The following DLG2 variants were observed in gnomAD, a reference collection of about 807,000 sequenced individuals.
The protein encoded by DLG2 is disks large homolog 2.
DLG2 carries 45 observed loss-of-function variants against 132.5 expected under a neutral mutation model. That is an observed-to-expected ratio of 0.34 (90% CI 0.27 to 0.44). DLG2 has a LOEUF of 0.44. Among genes scored for constraint, DLG2 ranks in the 20% least tolerant of loss-of-function variants. The pLI is 1.00. For synonymous variants in DLG2, 424 were observed against 419.6 expected (o/e 1.01, Z -0.13); for missense variants, 1,045 against 1,196.9 (o/e 0.87, Z 1.87).
rs760820617 is a variant in DLG2, at chr11:83,483,205, G to A, written c.2293+924C>T. On this transcript the variant is annotated intron_variant, in intron 22 of 27. Coordinates refer to ENST00000376104, the MANE Select transcript of DLG2 (RefSeq NM_001142699.3). Reference sequence around the variant, plus strand: ...AAGGAACAAAAGCCAAACTCAAAAGGAAAGGAAAAGAAAAGAAAAGTTACA... The same window carrying A: ...AAGGAACAAAAGCCAAACTCAAAAGAAAAGGAAAAGAAAAGAAAAGTTACA... 10 of 1,534,638 alleles carry A rather than the reference G, an allele frequency of 6.5e-6. No individual in the cohort carries two copies. In the South Asian group the frequency reaches 7.8e-5, roughly 12 times the overall value.
chr11:85,462,457 A>T (rs950798258), intron 3 of DLG2, among the ~76,000 whole-genome samples: 1 of 152,214 alleles, frequency 6.6e-6, no homozygotes, highest in African/African-American at 2.4e-5. Context: ...TACACCAGGG[A>T]ATACTATGCA....
chr11:84,787,628 C>T (rs985919802), intron 6 of DLG2, among the ~76,000 whole-genome samples: 15 of 152,130 alleles, frequency 9.9e-5, no homozygotes, highest in Non-Finnish European at 2.2e-4. Context: ...CTATAATATT[C>T]TGAGCCTTGT....
intron 8 of DLG2, among the ~76,000 whole-genome samples, chr11:84,213,624 C>T (rs1041929497): frequency 1.3e-5 from 2 of 151,980 alleles, no homozygotes; most frequent in Non-Finnish European, 2.9e-5. Flanking sequence ...TCAAGACCAT[C>T]CTGGCTAACA....
chr11:85,549,293 C>T (rs138125842), intron 3 of DLG2, among the ~76,000 whole-genome samples: 330 of 152,254 alleles, frequency 2.2e-3, no homozygotes, highest in Non-Finnish European at 3.9e-3. Flanking sequence ...CTTCCACTCG[C>T]CCTCCTTGGG....
intron 4 of DLG2, among the ~76,000 whole-genome samples, chr11:85,154,932 T>C (rs1481076673): frequency 6.6e-6 from 1 of 152,188 alleles, no homozygotes; most frequent in Non-Finnish European, 1.5e-5. Flanking sequence ...ATGGATGATC[T>C]GGTTAAAGCT....
At chr11:85,399,460 C>A (rs950720141) in intron 3 of DLG2, among the ~76,000 whole-genome samples, 11 of 152,110 alleles carry the variant, frequency 7.2e-5, no homozygotes, top group Non-Finnish European at 1.3e-4. Flanking sequence ...CAAAAAAGAG[C>A]CCGCATCACC....
At chr11:85,391,592 A>G (rs1176765655) in intron 3 of DLG2, among the ~76,000 whole-genome samples, 1 of 152,166 alleles carries the variant, frequency 6.6e-6, no homozygotes, top group African/African-American at 2.4e-5. Flanking sequence ...ATCCACCATG[A>G]TCAAGTGGAT....
chr11:84,977,033 A>ACC (rs2055005656), intron 6 of DLG2, among the ~76,000 whole-genome samples: 1 of 151,650 alleles, frequency 6.6e-6, no homozygotes. Context: ...TTGCTTGCTT[A>ACC]CCCATCACCT....
intron 3 of DLG2, among the ~76,000 whole-genome samples, chr11:85,526,863 G>A (rs1056657515): frequency 6.6e-6 from 1 of 152,120 alleles, no homozygotes; most frequent in Admixed American, 6.5e-5. Context: ...AAATACTAAA[G>A]GTCAAAACAC....
chr11:84,183,910 C>A (rs561582850), intron 8 of DLG2, among the ~76,000 whole-genome samples: 18 of 152,206 alleles, frequency 1.2e-4, no homozygotes, highest in South Asian at 4.2e-4. Flanking sequence ...TGAACTCATC[C>A]TTTTTTATGG....
At chr11:83,906,232 G>GTCTCTC (rs144862801) in intron 15 of DLG2, among the ~76,000 whole-genome samples, 61 of 71,650 alleles carry the variant, frequency 8.5e-4, no homozygotes, top group South Asian at 5.7e-3. Flanking sequence ...TATAGTAGAT[G>GTCTCTC]TCTCTCTCTC....
chr11:85,402,336 T>G (rs2088220874), intron 3 of DLG2, among the ~76,000 whole-genome samples: 1 of 152,078 alleles, frequency 6.6e-6, no homozygotes, highest in Non-Finnish European at 1.5e-5. Flanking sequence ...AGACAAAGAT[T>G]AACTCAAGAT....
intron 5 of DLG2, among the ~76,000 whole-genome samples, chr11:85,116,534 A>G: frequency 6.6e-6 from 1 of 152,008 alleles, no homozygotes; most frequent in South Asian, 2.1e-4. Flanking sequence ...ACAGGTGTGT[A>G]TTAAAAAATT....
At chr11:84,660,691 C>T (rs560974861) in intron 6 of DLG2, among the ~76,000 whole-genome samples, 21 of 152,122 alleles carry the variant, frequency 1.4e-4, no homozygotes, top group East Asian at 3.9e-4. Context: ...CTTTGATTTA[C>T]GCATTTTCAT....
At chr11:85,240,451 C>T (rs555730661) in intron 4 of DLG2, among the ~76,000 whole-genome samples, 124 of 151,612 alleles carry the variant, frequency 8.2e-4, no homozygotes, top group African/African-American at 2.9e-3. Context: ...TCACCTTTTC[C>T]TTATGGTTAG....
At chr11:83,582,234 G>A (rs1242786088) in intron 19 of DLG2, among the ~76,000 whole-genome samples, 2 of 152,210 alleles carry the variant, frequency 1.3e-5, no homozygotes, top group Admixed American at 1.3e-4. Context: ...GGGATTATAG[G>A]CATGAGCCAC....
intron 7 of DLG2, among the ~76,000 whole-genome samples, chr11:84,362,649 T>G (rs2098656386): frequency 6.6e-6 from 1 of 152,196 alleles, no homozygotes; most frequent in South Asian, 2.1e-4. Context: ...CCCAATGCTA[T>G]CCCTCCCCAC....
At chr11:84,359,558 G>A (rs1165207889) in intron 7 of DLG2, among the ~76,000 whole-genome samples, 7 of 151,800 alleles carry the variant, frequency 4.6e-5, no homozygotes, top group Non-Finnish European at 8.8e-5. Flanking sequence ...AAAGTTCAAC[G>A]ACTTTCAGAG....
intron 21 of DLG2, among the ~76,000 whole-genome samples, chr11:83,509,389 G>T (rs947557780): frequency 6.6e-6 from 1 of 152,154 alleles, no homozygotes; most frequent in Non-Finnish European, 1.5e-5. Context: ...TAGAAAACAG[G>T]AAAGTCCTAA....
Sources: allele counts gnomAD v4.1 joint callset (sites outside exome capture counted in the v4.1 genomes callset), GRCh38; gene constraint gnomAD v4.1.1; transcripts MANE v1.5; gene names NCBI Gene and HGNC (gene_info 2026-07-23, HGNC 2026-07-21).